Variants in ITGB6 observed in about 807,000 individuals in gnomAD.
ITGB6 encodes integrin beta-6.
A neutral mutation model predicts 84.5 loss-of-function variants in ITGB6; 80 were observed. The observed-to-expected ratio is 0.95, with a 90% CI of 0.79 to 1.14. ITGB6 has a LOEUF of 1.14. ITGB6 is among the 50% of genes most tolerant of loss of function. The pLI is 0.00. For missense variants in ITGB6, 1,006 were observed against 968.0 expected, an observed-to-expected ratio of 1.04 and a Z score of -0.52; for synonymous variants, 383 against 354.9, an observed-to-expected ratio of 1.08 and a Z score of -0.89.
At chr2:160,190,321 T>C (rs978170407) in intron 4 of ITGB6, among the ~76,000 whole-genome samples, 5 of 152,086 alleles carry the variant, frequency 3.3e-5, no homozygotes, top group Admixed American at 6.6e-5. Flanking sequence ...AACCTGCACG[T>C]TGTGCACATG....
intron 7 of ITGB6, among the ~76,000 whole-genome samples, chr2:160,154,262 G>T (rs762986238): frequency 1.3e-5 from 2 of 152,190 alleles, no homozygotes; most frequent in Non-Finnish European, 2.9e-5. Flanking sequence ...CATAAAAAAG[G>T]ATGAGTTCAT....
chr2:160,176,292 G>A (rs985050078), intron 4 of ITGB6, among the ~76,000 whole-genome samples: 2 of 152,176 alleles, frequency 1.3e-5, no homozygotes, highest in African/African-American at 4.8e-5. Flanking sequence ...GTTGGCCGAG[G>A]CTCTTGGATG....
chr2:160,181,603 A>T (rs896867458), intron 4 of ITGB6, among the ~76,000 whole-genome samples: 1 of 152,226 alleles, frequency 6.6e-6, no homozygotes, highest in Non-Finnish European at 1.5e-5. Flanking sequence ...CTCTGAACAG[A>T]GCAGTGAATC....
At chr2:160,102,099 C>T (rs911121002) in intron 14 of ITGB6, among the ~76,000 whole-genome samples, 4 of 152,164 alleles carry the variant, frequency 2.6e-5, no homozygotes, top group African/African-American at 9.7e-5. Flanking sequence ...GAAAACAAGG[C>T]TTCAGCTGTT....
At chr2:160,104,895 T>C (rs973402974) in intron 14 of ITGB6, among the ~76,000 whole-genome samples, 2 of 152,230 alleles carry the variant, frequency 1.3e-5, no homozygotes, top group Non-Finnish European at 2.9e-5. Flanking sequence ...CTTTCTGTCT[T>C]AAGCCCTGTC....
intron 4 of ITGB6, among the ~76,000 whole-genome samples, chr2:160,190,522 C>T (rs572406194): frequency 1.3e-5 from 2 of 152,238 alleles, no homozygotes; most frequent in Non-Finnish European, 2.9e-5. Flanking sequence ...AATCACCATG[C>T]GATACTATGT....
chr2:160,138,270 A>AG, intron 8 of ITGB6, 71 bp from the exon 9 acceptor site: 1 of 1,413,074 alleles, frequency 7.1e-7, no homozygotes, highest in South Asian at 1.5e-5. Flanking sequence ...GAAACCGTGA[A>AG]TCATGTTCAT....
chr2:160,109,355 C>T (rs996389150), intron 13 of ITGB6, among the ~76,000 whole-genome samples: 2 of 152,150 alleles, frequency 1.3e-5, no homozygotes, highest in Non-Finnish European at 2.9e-5. Flanking sequence ...GCAAATAAAG[C>T]GGCAGGCCTG....
Position 160,195,551 on chromosome 2 carries a change from G to GTAAT in ITGB6, c.407_410dup (p.Tyr137Ter). On this transcript the variant is annotated stop_gained and frameshift_variant, in exon 4 of 15. Coordinates refer to ENST00000283249, the MANE Select transcript of ITGB6 (RefSeq NM_000888.5). LOFTEE classifies it high-confidence loss of function. ...CCATGGAGGCGGAGAGGTCCATGAG[G>GTAAT]TAATACAAATCCACCGGGTAGTCCT... 3 of 1,614,140 alleles carry GTAAT rather than the reference G, an allele frequency of 1.9e-6. No individual in the cohort carries two copies. Among genetic ancestry groups the GTAAT allele is most frequent in the Non-Finnish European group, 2.5e-6 (3 of 1,179,992 alleles).
chr2:160,122,598 T>G (rs1274598991), intron 12 of ITGB6, among the ~76,000 whole-genome samples: 1 of 152,188 alleles, frequency 6.6e-6, no homozygotes, highest in Non-Finnish European at 1.5e-5. Context: ...AGTGCTTTCA[T>G]GTATCTCGCC....
chr2:160,131,966 T>C (rs1170692182), intron 10 of ITGB6, among the ~76,000 whole-genome samples: 1 of 152,164 alleles, frequency 6.6e-6, no homozygotes, highest in Non-Finnish European at 1.5e-5. Flanking sequence ...CTGCCTTAGA[T>C]CTCTTTGATC....
chr2:160,188,156 T>C (rs13022658), intron 4 of ITGB6, among the ~76,000 whole-genome samples: 6,798 of 152,262 alleles, frequency 0.045, 191 homozygotes, highest in Middle Eastern at 0.11. Flanking sequence ...TCCTACGCTC[T>C]TTCCTTTTAC....
chr2:160,171,852 C>T (rs1365106659), intron 6 of ITGB6, among the ~76,000 whole-genome samples: 1 of 152,166 alleles, frequency 6.6e-6, no homozygotes, highest in African/African-American at 2.4e-5. Context: ...AGAAGGCTCT[C>T]TGGGGGCAGT....
chr2:160,172,697 G>A lies in ITGB6; in HGVS notation c.793C>T (p.Leu265Phe), dbSNP rs1685259537. Residue 265 changes from leucine to phenylalanine, a missense_variant, in exon 6 of 15, where the codon CTC (leucine) becomes TTC (phenylalanine). By Grantham distance (22) the Leu-to-Phe change is conservative (BLOSUM62 0). Coordinates refer to ENST00000283249, the MANE Select transcript of ITGB6 (RefSeq NM_000888.5). ...KIGWRNDSLH[L>F]LVFVSDADSH... ...TCAGCATCACTCACAAAGACCAGGA[G>A]GTGGAGGGAGTCATTCCGCCAGCCA... 3 of 1,603,408 alleles carry A rather than the reference G, an allele frequency of 1.9e-6. No homozygotes were observed. The highest frequency in any genetic ancestry group is 1.7e-6 in the Non-Finnish European group (2 of 1,170,944).
chr2:160,117,678 A>G (rs1682845084), intron 12 of ITGB6, among the ~76,000 whole-genome samples: 1 of 152,192 alleles, frequency 6.6e-6, no homozygotes, highest in Non-Finnish European at 1.5e-5. Flanking sequence ...GCAGAACTGA[A>G]GGAAATAGAG....
At chr2:160,108,972 A>T (rs6758074) in intron 13 of ITGB6, among the ~76,000 whole-genome samples, 20,987 of 152,206 alleles carry the variant, frequency 0.14, 2,274 homozygotes, top group East Asian at 0.3. Flanking sequence ...TTATCATTAG[A>T]TATCTGCATC....
At chr2:160,150,716 C>T (rs986839551) in intron 7 of ITGB6, among the ~76,000 whole-genome samples, 5 of 151,994 alleles carry the variant, frequency 3.3e-5, no homozygotes, top group East Asian at 1.9e-4. Flanking sequence ...ACACATTTCA[C>T]GTGCAAAGAT....
At chr2:160,110,029 A>C (rs1697067384) in intron 13 of ITGB6, among the ~76,000 whole-genome samples, 1 of 152,242 alleles carries the variant, frequency 6.6e-6, no homozygotes, top group Non-Finnish European at 1.5e-5. Context: ...TAATTACTAG[A>C]AAATTTTAAA....
At chr2:160,170,010 T>A (rs372984660) in intron 6 of ITGB6, among the ~76,000 whole-genome samples, 3 of 152,226 alleles carry the variant, frequency 2.0e-5, no homozygotes, top group East Asian at 3.8e-4. Context: ...ACTTTTCAAG[T>A]TTGGAAAATA....
Sources: allele counts gnomAD v4.1 joint callset (sites outside exome capture counted in the v4.1 genomes callset), GRCh38; gene constraint gnomAD v4.1.1; transcripts MANE v1.5; gene names NCBI Gene and HGNC (gene_info 2026-07-23, HGNC 2026-07-21).